The following RPL22 variants were observed in gnomAD, a reference collection of about 807,000 sequenced individuals.
RPL22 encodes ribosomal protein L22.
A neutral mutation model predicts 16.2 loss-of-function variants in RPL22; 4 were observed. That is an observed-to-expected ratio of 0.25 (90% CI 0.12 to 0.57). RPL22 has a LOEUF of 0.57. Among genes scored for constraint, RPL22 ranks in the 20% least tolerant of loss-of-function variants. The pLI is 0.92. For missense variants in RPL22, 83 were observed against 156.1 expected (o/e 0.53, Z 2.49); for synonymous variants, 43 against 54.8 (o/e 0.78, Z 0.95).
intron 3 of RPL22, among the ~76,000 whole-genome samples, chr1:6,188,470 C>T (rs1189885943): frequency 6.6e-6 from 1 of 152,024 alleles, no homozygotes; most frequent in African/African-American, 2.4e-5. Context: ...TGAGAGGATC[C>T]CTTGAATCTA....
intron 3 of RPL22, among the ~76,000 whole-genome samples, chr1:6,191,237 G>GT (rs1409136771): frequency 6.6e-6 from 1 of 151,052 alleles, no homozygotes; most frequent in Non-Finnish European, 1.5e-5. Flanking sequence ...GCAGACACCT[G>GT]TAATCCCAGC....
At chr1:6,192,718 T>C (rs781682008) in intron 3 of RPL22, among the ~76,000 whole-genome samples, 1 of 152,160 alleles carries the variant, frequency 6.6e-6, no homozygotes, top group Non-Finnish European at 1.5e-5. Flanking sequence ...TAAAACACTT[T>C]AGCCTGTGAA....
chr1:6,189,462 C>T (rs543887334), intron 3 of RPL22, among the ~76,000 whole-genome samples: 2 of 151,710 alleles, frequency 1.3e-5, no homozygotes, highest in Non-Finnish European at 2.9e-5. Context: ...ATTTGGGAGG[C>T]TGAGGTAGGA....
chr1:6,197,586 T>C, intron 2 of RPL22, 66 bp downstream of exon 2: 2 of 1,024,106 alleles, frequency 2.0e-6, no homozygotes, highest in Non-Finnish European at 3.1e-6. Context: ...TGTACCCCAG[T>C]AGGTTTTCTC....
chr1:6,186,934 C>T, intron 3 of RPL22, 118 bp from the exon 4 acceptor site: 1 of 1,488,178 alleles, frequency 6.7e-7, no homozygotes, highest in Non-Finnish European at 9.1e-7. Flanking sequence ...TTTCCCAAGC[C>T]TCAAAAATGG....
At position 6,199,018 on chromosome 1, in the gene RPL22, C is replaced by T. The variant is rs143425663; in HGVS notation, c.12+544G>A. ...AGGAGAATGCAATGAGAGCCTTCTC[C>T]CTACACCACTGCAACACCCGTTTGG... is the stretch of plus-strand genomic sequence containing the variant. On this transcript the variant is annotated intron_variant, in intron 1 of 3. Coordinates refer to ENST00000234875, the MANE Select transcript of RPL22 (RefSeq NM_000983.4). 799 of 153,028 alleles carry T rather than the reference C, an allele frequency of 5.2e-3. 14 individuals are homozygous for T. The highest frequency in any genetic ancestry group is 0.018 in the African/African-American group (761 of 41,606). 9.5% of individuals were successfully genotyped at this position (153,028 alleles called of 1,614,324 possible).
chr1:6,186,775 T>A lies in RPL22; in HGVS notation c.284A>T (p.Asn95Ile). ...YLTKKYLKKN[N>I]LRDWLRVVAN... ...AACTACGCGCAACCAGTCACGTAGATTATTCTTCTTCAAATATTTTTTGGT... is the reference window on the plus strand; with the variant it reads ...AACTACGCGCAACCAGTCACGTAGAATATTCTTCTTCAAATATTTTTTGGT... The change falls in exon 4 of 4, where the codon AAT becomes ATT. Residue 95 changes from asparagine to isoleucine, a missense_variant. By Grantham distance (149) the Asn-to-Ile change is moderately radical. Transcript: ENST00000234875. 1 of 1,613,048 alleles carries A rather than the reference T, an allele frequency of 6.2e-7. No homozygotes were observed. The highest frequency in any genetic ancestry group is 8.5e-7 in the Non-Finnish European group (1 of 1,179,654).
chr1:6,197,642 T>C lies in RPL22; in HGVS notation c.117+10A>G. 1 of 1,570,224 alleles carries C rather than the reference T, an allele frequency of 6.4e-7. No homozygotes were observed. Among genetic ancestry groups the C allele is most frequent in the East Asian group, 2.2e-5 (1 of 44,684 alleles). The stretch of plus-strand genomic sequence containing the variant: ...GTGACCACCCGAGTGGCAATAAGGA[T>C]GTAACTTACAAAATTGGCAGCATCC... On this transcript the variant is annotated intron_variant, in intron 2 of 3. Coordinates refer to ENST00000234875, the MANE Select transcript of RPL22 (RefSeq NM_000983.4).
At chr1:6,189,456 G>A (rs1667621341) in intron 3 of RPL22, among the ~76,000 whole-genome samples, 1 of 151,988 alleles carries the variant, frequency 6.6e-6, no homozygotes, top group African/African-American at 2.4e-5. Context: ...CCAGCTATTT[G>A]GGAGGCTGAG....
At chr1:6,198,878 AG>A (rs1280982276) in intron 1 of RPL22, 2 of 152,394 alleles carry the variant, frequency 1.3e-5, no homozygotes, top group East Asian at 3.9e-4. Context: ...AATGTTAACC[AG>A]GGAGTCCCAA....
intron 2 of RPL22, among the ~76,000 whole-genome samples, chr1:6,197,115 C>T (rs1306347962): frequency 8.5e-5 from 13 of 152,224 alleles, no homozygotes; most frequent in Admixed American, 5.2e-4. Flanking sequence ...CTGCCACCTC[C>T]GCCTCCCGTG....
chr1:6,197,750 G>T lies in RPL22; in HGVS notation c.19C>A (p.Leu7Ile). ...TTTTTTTTGCCCCCCTTCACCACAA[G>T]CTTTTTCTAAGAAAATACACAAATG... The part of the protein sequence containing the change: MAPVKK[L>I]VVKGGKKKKQ... The change falls in exon 2 of 4, where the codon CTT (leucine) becomes ATT (isoleucine). Residue 7 changes from leucine to isoleucine, a missense_variant. Physicochemically the swap from Leu to Ile is conservative, Grantham distance 5. Coordinates refer to ENST00000234875, the MANE Select transcript of RPL22 (RefSeq NM_000983.4). The T allele has an allele frequency of 6.2e-7, 1 of 1,610,070 alleles. No homozygotes were observed. Among genetic ancestry groups the T allele is most frequent in the Non-Finnish European group, 8.5e-7 (1 of 1,176,802 alleles).
rs573345024 is a variant in RPL22, at chr1:6,186,177, G to T, written c.*495C>A. 30 of 235,612 alleles carry T rather than the reference G, an allele frequency of 1.3e-4. No individual in the cohort carries two copies. Among genetic ancestry groups the T allele is most frequent in the Admixed American group, 5.5e-4 (10 of 18,138 alleles). The allele number at this position is 235,612 out of a possible 1,614,324, so 14.6% of individuals were successfully genotyped here. A position where few individuals can be genotyped will look rare whatever the true frequency, so the allele number is the denominator to read the frequency against. On this transcript the variant is annotated 3_prime_UTR_variant, in exon 4 of 4. Transcript: ENST00000234875. The stretch of plus-strand genomic sequence containing the variant: ...AGGATTAGCAGACATAATTGTGTGC[G>T]TCAAGAGAAATTTGTAATCAAAAAA...
chr1:6,194,181 G>C (rs1667687828), intron 2 of RPL22, among the ~76,000 whole-genome samples: 2 of 152,274 alleles, frequency 1.3e-5, no homozygotes, highest in South Asian at 4.2e-4. Context: ...ACTCCAGCCT[G>C]GGGGACAGAG....
rs1667591456 is a variant in RPL22, at chr1:6,187,120, C to A, written c.243-304G>T. Reference sequence around the variant, plus strand: ...GTCAGGAGTTCGAGACCAGCCTGAACAACATGGTGAAACCCCATCTCTACT... The same window carrying A: ...GTCAGGAGTTCGAGACCAGCCTGAAAAACATGGTGAAACCCCATCTCTACT... On this transcript the variant is annotated intron_variant, in intron 3 of 3. Transcript: ENST00000234875. 3.3e-5 allele frequency among the ~76,000 whole-genome samples: 5 copies of A among 151,976 alleles called. No homozygotes were observed. The South Asian group carries it at 1.0e-3, about 32-fold the overall frequency.
At chr1:6,187,514 T>C (rs1667597279) in intron 3 of RPL22, among the ~76,000 whole-genome samples, 1 of 148,212 alleles carries the variant, frequency 6.7e-6, no homozygotes, top group African/African-American at 2.5e-5. Context: ...GTCAGGAGGC[T>C]GAGGTAAGAG....
In RPL22 at chr1:6,185,940, C is replaced by T. The variant is rs568120510; in HGVS notation, c.*732G>A. 21 of 230,486 alleles carry T rather than the reference C, an allele frequency of 9.1e-5. No individual in the cohort carries two copies. Among genetic ancestry groups the T allele is most frequent in the Admixed American group, 4.5e-4 (8 of 17,696 alleles). The allele number at this position is 230,486 out of a possible 1,614,324, so 14.3% of individuals were successfully genotyped here. A position where few individuals can be genotyped will look rare whatever the true frequency, so the allele number is the denominator to read the frequency against. ...GGGGCCCCCATTGCTGGGCCCCACA[C>T]GGGAGACCACATCTGGAAGCACTAT... On this transcript the variant is annotated 3_prime_UTR_variant, in exon 4 of 4. Transcript: ENST00000234875.
rs974315428 is a variant in RPL22 at position 6,195,809 on chromosome 1, T to A, written c.117+1843A>T. Among the ~76,000 whole-genome samples the A allele has an allele frequency of 3.9e-5, 6 of 152,010 alleles. No individual in the cohort carries two copies. In the East Asian group the frequency reaches 9.7e-4, roughly 25 times the overall value. On this transcript the variant is annotated intron_variant, in intron 2 of 3. Transcript: ENST00000234875. ...CAGGCGCAGTGGCTCATGCCTGTAA[T>A]CCCAGCACTTTGGGAGGCCGAGGTG...
chr1:6,189,793 C>T (rs538803576), intron 3 of RPL22, among the ~76,000 whole-genome samples: 1 of 152,108 alleles, frequency 6.6e-6, no homozygotes, highest in Admixed American at 6.6e-5. Context: ...TGGTGGCAGG[C>T]GCCTGTAATC....
Sources: gnomAD v4.1 joint callset for allele counts (sites outside exome capture counted in the v4.1 genomes callset) on GRCh38, gnomAD v4.1.1 for gene constraint, MANE v1.5 for transcripts, NCBI Gene and HGNC (gene_info 2026-07-23, HGNC 2026-07-21) for gene names.